SPPL2A: variants seen among roughly 807,000 people sequenced by gnomAD.
SPPL2A encodes signal peptide peptidase like 2A.
A neutral mutation model predicts 63.8 loss-of-function variants in SPPL2A; 51 were observed. That is an observed-to-expected ratio of 0.80 (90% CI 0.64 to 1.01). The LOEUF (loss-of-function observed/expected upper bound fraction) is 1.01. Among genes scored for constraint, SPPL2A ranks in the 50% least tolerant of loss-of-function variants. The probability of loss-of-function intolerance (pLI) is 0.00; values close to 1 mark genes in which losing one functional copy is unlikely to be tolerated. For missense variants in SPPL2A, 553 were observed against 622.7 expected, an observed-to-expected ratio of 0.89 and a Z score of 1.19; for synonymous variants, 188 against 205.8, an observed-to-expected ratio of 0.91 and a Z score of 0.74.
At position 50,736,170 on chromosome 15, in the gene SPPL2A, C is replaced by G. The variant is rs759130266; in HGVS notation, c.863G>C (p.Arg288Thr). ...GCACAGTCCAGAGAGAAAAATAAGT[C>G]TCACTTCCATGTTTTTGCCACGACA... ...IACRGKNMEV[R>T]LIFLSGLCIA... Residue 288 changes from arginine to threonine, a missense_variant, in exon 8 of 15, where the codon AGA (arginine) becomes ACA (threonine). Arg to Thr is a moderately conservative substitution (Grantham distance 71). Transcript: ENST00000261854. 1 of 1,613,170 alleles carries G rather than the reference C, an allele frequency of 6.2e-7. No individual in the cohort carries two copies. The highest frequency in any genetic ancestry group is 8.5e-7 in the Non-Finnish European group (1 of 1,179,514).
rs1196710672 is a variant in SPPL2A at position 50,703,356 on chromosome 15, A to ATATATATATTTTTTT, written c.*4443_*4444insAAAAAAATATATATA. The ATATATATATTTTTTT allele has an allele frequency of 8.1e-5, 5 of 62,046 alleles. No individual in the cohort carries two copies. Among genetic ancestry groups the ATATATATATTTTTTT allele is most frequent in the African/African-American group, 2.8e-4 (4 of 14,228 alleles). The allele number at this position is 62,046 out of a possible 1,614,324, so 3.8% of individuals were successfully genotyped here. ...TATATATATATATATACATATATAT[A>ATATATATATTTTTTT]TTTTTTTTTTTTTTTTTTTTTTTTG... On this transcript the variant is annotated 3_prime_UTR_variant, in exon 15 of 15. Transcript: ENST00000261854.
In SPPL2A at chr15:50,761,225, G is replaced by C. The variant is rs921982724; in HGVS notation, c.66+4243C>G. On this transcript the variant is annotated intron_variant, in intron 1 of 14. Transcript: ENST00000261854. ...GGGTCTTGCTATGTTGACCAGGCTG[G>C]TCTGAAACTCCTAGCCTCAAGCAAT... Among the ~76,000 whole-genome samples the C allele has an allele frequency of 1.8e-4, 27 of 152,208 alleles. No individual in the cohort carries two copies. The East Asian group carries it at 5.2e-3, about 29-fold the overall frequency.
rs1479884621 is a variant in SPPL2A at position 50,719,937 on chromosome 15, T to C, written c.1488+3A>G. The C allele has an allele frequency of 3.1e-6, 5 of 1,606,944 alleles. No individual in the cohort carries two copies. Among genetic ancestry groups the C allele is most frequent in the South Asian group, 1.1e-5 (1 of 90,074 alleles). On this transcript the variant is annotated splice_donor_region_variant and intron_variant, in intron 14 of 14. Transcript: ENST00000261854. ...ACTTGGTAACCAAAGTATAAGCACATACCTGATAGCTGTTACCTTTCCAGA... is the reference window on the plus strand; with the variant it reads ...ACTTGGTAACCAAAGTATAAGCACACACCTGATAGCTGTTACCTTTCCAGA...
rs1321954736 is a variant in SPPL2A at position 50,726,696 on chromosome 15, A to G, written c.1090-319T>C. On this transcript the variant is annotated intron_variant, in intron 10 of 14. Coordinates refer to ENST00000261854, the MANE Select transcript of SPPL2A (RefSeq NM_032802.4). The stretch of plus-strand genomic sequence containing the variant: ...TCATATCTGACATTTGTAATGGGTT[A>G]AAAATTTTAGGTACAGTACTTTTAG... Among the ~76,000 whole-genome samples, 3 of 152,356 alleles carry G rather than the reference A, an allele frequency of 2.0e-5. No homozygotes were observed. The East Asian group carries it at 5.8e-4, about 29-fold the overall frequency.
chr15:50,707,032 T>G lies in SPPL2A; in HGVS notation c.*768A>C, dbSNP rs1329735848. 1 of 152,226 alleles carries G rather than the reference T, an allele frequency of 6.6e-6. No individual in the cohort carries two copies. Among genetic ancestry groups the G allele is most frequent in the African/African-American group, 2.4e-5 (1 of 41,466 alleles). The allele number at this position is 152,226 out of a possible 1,614,324, so 9.4% of individuals were successfully genotyped here. On this transcript the variant is annotated 3_prime_UTR_variant, in exon 15 of 15. Transcript: ENST00000261854. ...TCCAAAATTATGTATTTCTAACCTC[T>G]GCAGTGATATAAGGTCCAAATTTTC... is the stretch of plus-strand genomic sequence containing the variant.
At chr15:50,759,424 A>G (rs990238787) in intron 1 of SPPL2A, among the ~76,000 whole-genome samples, 1 of 152,128 alleles carries the variant, frequency 6.6e-6, no homozygotes, top group Non-Finnish European at 1.5e-5. Context: ...CTATTAAAAC[A>G]TATATAACCT....
Position 50,707,610 on chromosome 15 carries a change from C to A in SPPL2A, c.*190G>T. The A allele has an allele frequency of 1.8e-6, 1 of 543,326 alleles. No homozygotes were observed. Among genetic ancestry groups the A allele is most frequent in the Non-Finnish European group, 3.3e-6 (1 of 306,228 alleles). 33.7% of individuals were successfully genotyped at this position (543,326 alleles called of 1,614,324 possible). A position where few individuals can be genotyped will look rare whatever the true frequency, so the allele number is the denominator to read the frequency against. ...CCATATGTTTTATTTAATGTGAAGG[C>A]ACAACTTTAACATTAAAAGCAAAGC... On this transcript the variant is annotated 3_prime_UTR_variant, in exon 15 of 15. Transcript: ENST00000261854.
intron 14 of SPPL2A, among the ~76,000 whole-genome samples, chr15:50,719,643 C>A (rs559348040): frequency 6.6e-6 from 1 of 152,108 alleles, no homozygotes; most frequent in East Asian, 1.9e-4. Flanking sequence ...CGAATTTTAT[C>A]TTTCATGAAG....
chr15:50,728,384 C>A (rs1752817528), intron 10 of SPPL2A, among the ~76,000 whole-genome samples: 1 of 152,138 alleles, frequency 6.6e-6, no homozygotes, highest in South Asian at 2.1e-4. Context: ...CACTCTGTTG[C>A]CCAGGCTGGA....
chr15:50,763,375 T>C (rs1482649611), intron 1 of SPPL2A, among the ~76,000 whole-genome samples: 2 of 152,016 alleles, frequency 1.3e-5, no homozygotes, highest in Non-Finnish European at 1.5e-5. Context: ...CAACAAGAAA[T>C]AGAAAAATCA....
intron 14 of SPPL2A, among the ~76,000 whole-genome samples, chr15:50,710,702 A>T (rs1032802469): frequency 2.0e-5 from 3 of 152,202 alleles, no homozygotes; most frequent in African/African-American, 7.2e-5. Context: ...TCATTAATGC[A>T]GGGTAACTGG....
chr15:50,718,757 C>G (rs897937593), intron 14 of SPPL2A, among the ~76,000 whole-genome samples: 5 of 152,102 alleles, frequency 3.3e-5, no homozygotes, highest in Non-Finnish European at 7.3e-5. Flanking sequence ...TTAACCACCT[C>G]TCATTAAGTA....
At chr15:50,728,052 T>C (rs763784778) in intron 10 of SPPL2A, among the ~76,000 whole-genome samples, 4 of 152,330 alleles carry the variant, frequency 2.6e-5, no homozygotes, top group Middle Eastern at 6.8e-3. Context: ...AAACATTCTA[T>C]GTATATGGAA....
intron 13 of SPPL2A, among the ~76,000 whole-genome samples, chr15:50,721,652 T>A (rs1053688432): frequency 6.6e-6 from 1 of 151,674 alleles, no homozygotes; most frequent in Non-Finnish European, 1.5e-5. Context: ...GTCACCAGGC[T>A]GGAGTGCAGT....
At chr15:50,749,492 T>G (rs987116959) in intron 2 of SPPL2A, 144 bp downstream of exon 2, 16 of 609,610 alleles carry the variant, frequency 2.6e-5, no homozygotes, top group Non-Finnish European at 4.4e-5. Context: ...TTCACCGTGT[T>G]AGCCAGGATG....
Position 50,702,470 on chromosome 15 carries a change from T to TA in SPPL2A, c.*5329dup, listed in dbSNP as rs1270675701. ...TACACTAACTTACATATCAAAGTGT[T>TA]AAAAAAGAAATTCCACACTCAAACC... On this transcript the variant is annotated 3_prime_UTR_variant, in exon 15 of 15. Coordinates refer to ENST00000261854, the MANE Select transcript of SPPL2A (RefSeq NM_032802.4). 1 of 152,132 alleles carries TA rather than the reference T, an allele frequency of 6.6e-6. No homozygotes were observed. Among genetic ancestry groups the TA allele is most frequent in the Non-Finnish European group, 1.5e-5 (1 of 68,024 alleles). 9.4% of individuals were successfully genotyped at this position (152,132 alleles called of 1,614,324 possible).
At chr15:50,708,762 G>A (rs145507318) in intron 14 of SPPL2A, among the ~76,000 whole-genome samples, 68 of 150,532 alleles carry the variant, frequency 4.5e-4, no homozygotes, top group South Asian at 1.1e-3. Flanking sequence ...AGCTGGGCAC[G>A]GTGGCTCATG....
At chr15:50,711,683 G>A (rs960993191) in intron 14 of SPPL2A, among the ~76,000 whole-genome samples, 2 of 152,112 alleles carry the variant, frequency 1.3e-5, no homozygotes, top group Non-Finnish European at 2.9e-5. Flanking sequence ...AAGACTGCCA[G>A]GGGTACCTGG....
rs182526750 is a variant in SPPL2A at position 50,705,555 on chromosome 15, A to G, written c.*2245T>C. On this transcript the variant is annotated 3_prime_UTR_variant, in exon 15 of 15. Coordinates refer to ENST00000261854, the MANE Select transcript of SPPL2A (RefSeq NM_032802.4). Reference sequence around the variant, plus strand: ...CGGCACTTAATCTGTTCTCTCTCTCAGAGTCTGCCAAATAAATCAGATTTC... The same window carrying G: ...CGGCACTTAATCTGTTCTCTCTCTCGGAGTCTGCCAAATAAATCAGATTTC... The G allele has an allele frequency of 6.6e-6, 1 of 152,148 alleles. No individual in the cohort carries two copies. Among genetic ancestry groups the G allele is most frequent in the Admixed American group, 6.6e-5 (1 of 15,256 alleles). 9.4% of individuals were successfully genotyped at this position (152,148 alleles called of 1,614,324 possible). A position where few individuals can be genotyped will look rare whatever the true frequency, so the allele number is the denominator to read the frequency against.
Sources: allele counts gnomAD v4.1 joint callset (sites outside exome capture counted in the v4.1 genomes callset), GRCh38; gene constraint gnomAD v4.1.1; transcripts MANE v1.5; gene names NCBI Gene and HGNC (gene_info 2026-07-23, HGNC 2026-07-21).